The following CLYBL variants were observed in gnomAD, a reference collection of about 807,000 sequenced individuals.
CLYBL encodes the protein citramalyl-CoA lyase, also known as citramalyl-CoA lyase, mitochondrial.
In CLYBL, 31 loss-of-function variants were observed where a neutral mutation model predicts 38.9. The observed-to-expected ratio is 0.80, with a 90% CI of 0.60 to 1.08. The LOEUF is 1.08. Ranked by LOEUF, CLYBL falls within the 50% of genes least tolerant of loss-of-function variation. The pLI is 0.00. For missense variants in CLYBL, 434 were observed against 411.6 expected (o/e 1.05, Z -0.47); for synonymous variants, 171 against 158.6 (o/e 1.08, Z -0.59).
At position 99,754,416 on chromosome 13, in the gene CLYBL, C is replaced by CCA. The variant is rs1454742490; in HGVS notation, c.63-18408_63-18407insCA. ...TGGGCAACAGCGTGAGACCCTGTCT[C>CCA]AAAAAAAAAAAAAAAAAAAAAAAGA... On this transcript the variant is annotated intron_variant, in intron 1 of 8. Transcript: ENST00000339105. Among the ~76,000 whole-genome samples, 75 of 71,794 alleles carry CCA rather than the reference C, an allele frequency of 1.0e-3. 5 individuals carry two copies. Among genetic ancestry groups the CCA allele is most frequent in the African/African-American group, 1.9e-3 (33 of 17,418 alleles). The allele number at this position is 71,794 out of a possible 152,430, so 47.1% of individuals were successfully genotyped here. A position where few individuals can be genotyped will look rare whatever the true frequency, so the allele number is the denominator to read the frequency against.
At chr13:99,634,919 C>T (rs2139246486) in intron 1 of CLYBL, among the ~76,000 whole-genome samples, 1 of 152,288 alleles carries the variant, frequency 6.6e-6, no homozygotes, top group South Asian at 2.1e-4. Context: ...GCTAGGTCTT[C>T]TTCCCCATCC....
chr13:99,633,237 A>G (rs2046973317), intron 1 of CLYBL, among the ~76,000 whole-genome samples: 2 of 138,252 alleles, frequency 1.4e-5, no homozygotes, highest in South Asian at 4.7e-4. Flanking sequence ...AAAAAAAAAG[A>G]GAAGAGAAGA....
intron 1 of CLYBL, among the ~76,000 whole-genome samples, chr13:99,715,653 C>A (rs544646437): frequency 1.6e-4 from 25 of 152,218 alleles, no homozygotes; most frequent in Non-Finnish European, 2.9e-4. Flanking sequence ...AATCACTACA[C>A]CCGGCCTGTA....
chr13:99,648,478 TTG>T (rs1463817906), intron 1 of CLYBL, among the ~76,000 whole-genome samples: 3 of 152,232 alleles, frequency 2.0e-5, no homozygotes, highest in African/African-American at 7.2e-5. Flanking sequence ...CCCTGGTTTT[TTG>T]TGACTTTTCT....
chr13:99,798,353 C>T (rs924036488), intron 2 of CLYBL, among the ~76,000 whole-genome samples: 10 of 152,162 alleles, frequency 6.6e-5, no homozygotes, highest in Admixed American at 6.5e-4. Flanking sequence ...GCTCGTTCCC[C>T]CTCCATCATC....
chr13:99,676,164 G>A (rs1226551221), intron 1 of CLYBL, among the ~76,000 whole-genome samples: 1 of 136,948 alleles, frequency 7.3e-6, no homozygotes, highest in Non-Finnish European at 1.7e-5. Context: ...CCACAGACTG[G>A]CTTCCTTCCT....
chr13:99,792,432 T>A (rs2049936530), intron 2 of CLYBL, among the ~76,000 whole-genome samples: 1 of 152,154 alleles, frequency 6.6e-6, no homozygotes, highest in Non-Finnish European at 1.5e-5. Context: ...AGCCGCTCTC[T>A]TCTCAGCCAG....
At chr13:99,702,428 C>T (rs1344126259) in intron 1 of CLYBL, among the ~76,000 whole-genome samples, 1 of 151,936 alleles carries the variant, frequency 6.6e-6, no homozygotes, top group African/African-American at 2.4e-5. Context: ...GCCAGGAGTT[C>T]AAGACCAGCC....
chr13:99,777,291 A>G (rs2049538556), intron 2 of CLYBL, among the ~76,000 whole-genome samples: 1 of 152,170 alleles, frequency 6.6e-6, no homozygotes, highest in African/African-American at 2.4e-5. Context: ...TGCCTTTTCA[A>G]AATGAAGATA....
intron 1 of CLYBL, among the ~76,000 whole-genome samples, chr13:99,707,516 C>T (rs951310793): frequency 2.2e-4 from 34 of 152,100 alleles, no homozygotes; most frequent in Non-Finnish European, 8.8e-5. Context: ...TCGTGATCTG[C>T]CCCCCTCGGC....
intron 1 of CLYBL, among the ~76,000 whole-genome samples, chr13:99,668,699 T>G (rs1168990482): frequency 6.6e-6 from 1 of 151,988 alleles, no homozygotes; most frequent in Non-Finnish European, 1.5e-5. Context: ...CTAAATCCCC[T>G]CCCTGGGCAT....
chr13:99,855,305 C>G (rs1037048646), intron 2 of CLYBL, among the ~76,000 whole-genome samples: 2 of 152,118 alleles, frequency 1.3e-5, no homozygotes, highest in African/African-American at 4.8e-5. Context: ...CATAAAAGCT[C>G]TTTTTGGGGT....
At chr13:99,741,567 C>T (rs753999677) in intron 1 of CLYBL, among the ~76,000 whole-genome samples, 19 of 151,670 alleles carry the variant, frequency 1.3e-4, no homozygotes, top group Non-Finnish European at 1.5e-4. Context: ...GGGTGGGGGT[C>T]GGGGGACGGA....
chr13:99,706,715 G>T (rs1354929176), intron 1 of CLYBL, among the ~76,000 whole-genome samples: 1 of 152,218 alleles, frequency 6.6e-6, no homozygotes, highest in African/African-American at 2.4e-5. Flanking sequence ...GCACTGGAGT[G>T]CATCTCTGCT....
chr13:99,818,493 A>G (rs935621296), intron 2 of CLYBL, among the ~76,000 whole-genome samples: 3 of 151,714 alleles, frequency 2.0e-5, no homozygotes, highest in African/African-American at 7.3e-5. Flanking sequence ...ACGGACACAC[A>G]CTGCCACACT....
intron 1 of CLYBL, among the ~76,000 whole-genome samples, chr13:99,703,404 T>C (rs776403406): frequency 9.2e-5 from 14 of 152,164 alleles, no homozygotes; most frequent in Non-Finnish European, 1.8e-4. Context: ...GGAGTCTCAC[T>C]CTGTCGCCAG....
At chr13:99,852,576 C>T (rs998376359) in intron 2 of CLYBL, among the ~76,000 whole-genome samples, 1 of 152,104 alleles carries the variant, frequency 6.6e-6, no homozygotes, top group African/African-American at 2.4e-5. Flanking sequence ...CCACAAATAA[C>T]AACTAAAGCG....
At chr13:99,755,259 C>T (rs775033079) in intron 1 of CLYBL, among the ~76,000 whole-genome samples, 1 of 152,164 alleles carries the variant, frequency 6.6e-6, no homozygotes, top group East Asian at 1.9e-4. Flanking sequence ...TTTTCTGGGC[C>T]ACAGGGGGCC....
chr13:99,608,324 C>T (rs1238934327), intron 1 of CLYBL, among the ~76,000 whole-genome samples: 3 of 151,992 alleles, frequency 2.0e-5, no homozygotes, highest in East Asian at 1.9e-4. Flanking sequence ...CCACCTGCCT[C>T]GGCCTCCCAA....
Sources: gnomAD v4.1 joint callset for allele counts (sites outside exome capture counted in the v4.1 genomes callset) on GRCh38, gnomAD v4.1.1 for gene constraint, MANE v1.5 for transcripts, NCBI Gene and HGNC (gene_info 2026-07-23, HGNC 2026-07-21) for gene names.